Variants in FRMD4A observed in about 807,000 individuals in gnomAD.
FRMD4A encodes FERM domain-containing protein 4A.
A neutral mutation model predicts 129.1 loss-of-function variants in FRMD4A; 29 were observed. The observed-to-expected ratio is 0.22, with a 90% confidence interval of 0.17 to 0.31. The LOEUF is 0.31. Among genes scored for constraint, FRMD4A ranks in the 10% least tolerant of loss-of-function variants. The probability of loss-of-function intolerance (pLI) is 1.00; values close to 1 mark genes in which losing one functional copy is unlikely to be tolerated. For missense variants in FRMD4A, 1,272 were observed against 1,375.8 expected, an observed-to-expected ratio of 0.92 and a Z score of 1.19; for synonymous variants, 634 against 571.6, an observed-to-expected ratio of 1.11 and a Z score of -1.56.
At position 14,039,368 on chromosome 10, in the gene FRMD4A, G is replaced by GTCCGTCCATCCA. The variant is rs554051462; in HGVS notation, c.46-180457_46-180456insTGGATGGACGGA. Among the ~76,000 whole-genome samples the GTCCGTCCATCCA allele has an allele frequency of 7.1e-3, 775 of 109,498 alleles. 10 individuals carry two copies. The highest frequency in any genetic ancestry group is 0.033 in the East Asian group (156 of 4,712). 71.8% of individuals were successfully genotyped at this position (109,498 alleles called of 152,430 possible). A position where few individuals can be genotyped will look rare whatever the true frequency, so the allele number is the denominator to read the frequency against. The stretch of plus-strand genomic sequence containing the variant: ...TGCTCACTTTCTGATCTGTCCGTCC[G>GTCCGTCCATCCA]TCCATCCATCCATCCATCCATCCAT... On this transcript the variant is annotated intron_variant, in intron 2 of 24. Transcript: ENST00000357447.
chr10:13,733,867 T>A (rs1378033361), intron 12 of FRMD4A, among the ~76,000 whole-genome samples: 1 of 152,208 alleles, frequency 6.6e-6, no homozygotes, highest in Admixed American at 6.5e-5. Context: ...AATGAACTCT[T>A]CACTCCTAGC....
rs914826763 is a variant in FRMD4A at position 13,866,081 on chromosome 10, A to G, written c.46-7169T>C. On this transcript the variant is annotated intron_variant, in intron 2 of 24. Coordinates refer to ENST00000357447, the MANE Select transcript of FRMD4A (RefSeq NM_018027.5). The stretch of plus-strand genomic sequence containing the variant: ...TTTTGAGACAATAAATTTACAAGAC[A>G]TTAAAATCAGCAATATTAATGACTC... 2.0e-4 allele frequency among the ~76,000 whole-genome samples: 31 copies of G among 152,218 alleles called. 1 individual carries two copies. Among genetic ancestry groups the G allele is most frequent in the African/African-American group, 7.2e-4 (30 of 41,460 alleles).
At chr10:13,788,685 A>T (rs551704083) in intron 5 of FRMD4A, among the ~76,000 whole-genome samples, 1 of 152,356 alleles carries the variant, frequency 6.6e-6, no homozygotes, top group South Asian at 2.1e-4. Flanking sequence ...CTCCACAAGC[A>T]ACAGCCCACC....
chr10:14,291,254 C>A lies in FRMD4A; in HGVS notation c.45+38804G>T, dbSNP rs80117085. ...ACCATCTAAAATTTGTAATGACTTTCCAATTATCTTACCAAAGAGAAAACT... is the reference window on the plus strand; with the variant it reads ...ACCATCTAAAATTTGTAATGACTTTACAATTATCTTACCAAAGAGAAAACT... On this transcript the variant is annotated intron_variant, in intron 2 of 24. Transcript: ENST00000357447. Among the ~76,000 whole-genome samples, 1,232 of 152,208 alleles carry A rather than the reference C, an allele frequency of 8.1e-3. 12 individuals carry two copies. Among genetic ancestry groups the A allele is most frequent in the African/African-American group, 0.024 (989 of 41,542 alleles).
chr10:13,732,180 C>A (rs7087448), intron 12 of FRMD4A, among the ~76,000 whole-genome samples: 1 of 151,836 alleles, frequency 6.6e-6, no homozygotes, highest in Non-Finnish European at 1.5e-5. Context: ...AAGCTCCAGA[C>A]TGGTGATTAA....
chr10:13,659,523 C>T, intron 20 of FRMD4A, 33 bp from the exon 21 acceptor site: 1 of 1,596,508 alleles, frequency 6.3e-7, no homozygotes, highest in South Asian at 1.1e-5. Context: ...TGGTCACCGC[C>T]AGACAGACAG....
At chr10:13,904,301 GC>G (rs1014669960) in intron 2 of FRMD4A, among the ~76,000 whole-genome samples, 9 of 152,118 alleles carry the variant, frequency 5.9e-5, no homozygotes, top group African/African-American at 1.9e-4. Context: ...CTTTCGCACG[GC>G]CGTACATCTG....
chr10:14,199,750 T>C (rs981600380), intron 2 of FRMD4A, among the ~76,000 whole-genome samples: 1 of 151,204 alleles, frequency 6.6e-6, no homozygotes, highest in Admixed American at 6.6e-5. Context: ...TCATCATATT[T>C]AGTTTTAATC....
intron 2 of FRMD4A, among the ~76,000 whole-genome samples, chr10:13,988,691 G>A (rs892861177): frequency 6.6e-6 from 1 of 152,184 alleles, no homozygotes; most frequent in Non-Finnish European, 1.5e-5. Flanking sequence ...GGTCTCTATA[G>A]TTGAACAGAT....
intron 2 of FRMD4A, among the ~76,000 whole-genome samples, chr10:14,069,984 C>T (rs775135196): frequency 6.6e-6 from 1 of 151,834 alleles, no homozygotes; most frequent in Non-Finnish European, 1.5e-5. Flanking sequence ...AAATCAATTG[C>T]CATATGCCTT....
At chr10:13,891,792 G>T (rs1478425073) in intron 2 of FRMD4A, 2 of 953,726 alleles carry the variant, frequency 2.1e-6, no homozygotes, top group Non-Finnish European at 2.5e-6. Context: ...CCCCCGCCGC[G>T]GGCCCTCGGC....
rs759054988 is a variant in FRMD4A, at chr10:13,654,446, C to G, written c.3020G>C (p.Ser1007Thr). 8 of 1,612,942 alleles carry G rather than the reference C, an allele frequency of 5.0e-6. No individual in the cohort carries two copies. The South Asian group carries it at 8.8e-5, about 18-fold the overall frequency. Residue 1007 changes from serine to threonine, a missense_variant, in exon 23 of 25, where the codon AGC becomes ACC. Ser to Thr is a moderately conservative substitution (Grantham distance 58, BLOSUM62 1). This residue lies in a region of FRMD4A where 972 missense variants were observed against 892.3 expected (regional missense o/e 1.09). Transcript: ENST00000357447. ...SSEIGATPPSSPHHILTWQTG... is the reference protein window; with the variant it reads ...SSEIGATPPSTPHHILTWQTG... ...CTGCCAGGTTAGGATGTGGTGGGGGCTGCTTGGGGGGGTGGCTCCAATTTC... is the reference window on the plus strand; with the variant it reads ...CTGCCAGGTTAGGATGTGGTGGGGGGTGCTTGGGGGGGTGGCTCCAATTTC...
chr10:14,197,071 G>T (rs780750788), intron 2 of FRMD4A, among the ~76,000 whole-genome samples: 2 of 152,120 alleles, frequency 1.3e-5, no homozygotes, highest in African/African-American at 2.4e-5. Context: ...CATCCCGATG[G>T]ATATTTAAGC....
intron 2 of FRMD4A, among the ~76,000 whole-genome samples, chr10:14,198,547 C>A (rs1163122229): frequency 2.0e-5 from 3 of 152,190 alleles, no homozygotes; most frequent in Non-Finnish European, 4.4e-5. Flanking sequence ...TTGACTGATT[C>A]CCTGGATCCT....
chr10:14,270,843 A>C (rs1451226473), intron 2 of FRMD4A, among the ~76,000 whole-genome samples: 3 of 152,244 alleles, frequency 2.0e-5, no homozygotes, highest in African/African-American at 4.8e-5. Context: ...AATCACTCCT[A>C]ATACTAAACA....
rs1357124616 is a variant in FRMD4A at position 13,982,083 on chromosome 10, G to C, written c.46-123171C>G. ...ACAAACTAGAATCCCTCTTCCCCAA[G>C]GTGGTTTCTGGAAACCAGAACCCTT... On this transcript the variant is annotated intron_variant, in intron 2 of 24. Coordinates refer to ENST00000357447, the MANE Select transcript of FRMD4A (RefSeq NM_018027.5). Among the ~76,000 whole-genome samples the C allele has an allele frequency of 3.9e-5, 6 of 152,268 alleles. No homozygotes were observed. In the East Asian group the frequency reaches 1.2e-3, roughly 29 times the overall value.
chr10:13,873,265 A>G (rs1365992267), intron 2 of FRMD4A, among the ~76,000 whole-genome samples: 1 of 55,268 alleles, frequency 1.8e-5, no homozygotes, highest in East Asian at 4.9e-4. Context: ...AAAAAAGATA[A>G]GGCTGAAAAA....
At chr10:14,148,472 C>T (rs907735878) in intron 2 of FRMD4A, among the ~76,000 whole-genome samples, 1 of 152,164 alleles carries the variant, frequency 6.6e-6, no homozygotes, top group African/African-American at 2.4e-5. Flanking sequence ...GTTTAAGAAA[C>T]AATGAGAATG....
intron 5 of FRMD4A, among the ~76,000 whole-genome samples, chr10:13,786,693 AG>A (rs2092874116): frequency 6.6e-6 from 1 of 152,290 alleles, no homozygotes; most frequent in East Asian, 1.9e-4. Context: ...AGGAAGGAAA[AG>A]AAGGAAAAGC....
Sources: gnomAD v4.1 joint callset for allele counts (sites outside exome capture counted in the v4.1 genomes callset) on GRCh38, gnomAD v4.1.1 for gene constraint, gnomAD v4.1.1 regional missense constraint, MANE v1.5 for transcripts, NCBI Gene and HGNC (gene_info 2026-07-23, HGNC 2026-07-21) for gene names.